The following FGF14 variants were observed in gnomAD, a reference collection of about 807,000 sequenced individuals.
The protein encoded by FGF14 is fibroblast growth factor homologous factor 4.
FGF14 carries 5 observed loss-of-function variants against 25.5 expected under a neutral mutation model. The observed-to-expected ratio is 0.20, with a 90% confidence interval of 0.10 to 0.41. The LOEUF is 0.41. Among genes scored for constraint, FGF14 ranks in the 10% least tolerant of loss-of-function variants. FGF14 has a pLI of 1.00. For missense variants in FGF14, 222 were observed against 320.1 expected (o/e 0.69, Z 2.34); for synonymous variants, 138 against 118.3 (o/e 1.17, Z -1.08).
At position 101,868,800 on chromosome 13, in the gene FGF14, T is replaced by G; in HGVS notation, c.333A>C (p.Leu111=). 1 of 1,613,540 alleles carries G rather than the reference T, an allele frequency of 6.2e-7. No individual in the cohort carries two copies. Among genetic ancestry groups the G allele is most frequent in the Non-Finnish European group, 8.5e-7 (1 of 1,179,506 alleles). The part of the protein sequence containing the change: ...STLFNLIPVG[L]RVVAIQGVKT... ...TCACTCCCTGGATGGCAACAACACG[T>G]AGTCCCACTGGTATGAGGTTGAAGA... The change falls in exon 3 of 5, where the codon CTA becomes CTC. Residue 111 remains leucine (L), a synonymous_variant. Transcript: ENST00000376143.
At chr13:102,136,074 A>G (rs770008299) in intron 1 of FGF14, among the ~76,000 whole-genome samples, 23 of 152,202 alleles carry the variant, frequency 1.5e-4, no homozygotes, top group Non-Finnish European at 2.2e-4. Flanking sequence ...GCAGTAATAT[A>G]TCATATTGTG....
intron 1 of FGF14, among the ~76,000 whole-genome samples, chr13:102,029,471 G>T (rs775081714): frequency 6.6e-6 from 1 of 152,002 alleles, no homozygotes; most frequent in African/African-American, 2.4e-5. Context: ...TTTGAAAAAT[G>T]AAACAACTTG....
At chr13:101,757,260 A>G (rs2037725908) in intron 3 of FGF14, among the ~76,000 whole-genome samples, 1 of 152,062 alleles carries the variant, frequency 6.6e-6, no homozygotes, top group African/African-American at 2.4e-5. Flanking sequence ...AAAGTCCTAT[A>G]GCCTTTTGTT....
At chr13:102,083,106 T>C (rs2043717048) in intron 1 of FGF14, among the ~76,000 whole-genome samples, 1 of 152,232 alleles carries the variant, frequency 6.6e-6, no homozygotes, top group South Asian at 2.1e-4. Context: ...TTCCTTGATA[T>C]CTTTCTATCT....
At chr13:102,158,371 G>A (rs577410329) in intron 1 of FGF14, among the ~76,000 whole-genome samples, 2 of 152,166 alleles carry the variant, frequency 1.3e-5, no homozygotes, top group South Asian at 4.2e-4. Context: ...TCCTTTGCAG[G>A]GACATGGATG....
intron 1 of FGF14, among the ~76,000 whole-genome samples, chr13:102,188,558 T>C (rs1418512375): frequency 6.6e-6 from 1 of 152,212 alleles, no homozygotes; most frequent in Non-Finnish European, 1.5e-5. Context: ...AAGCACAGTA[T>C]CTGGCAGAGG....
chr13:101,740,980 T>C (rs189796072), intron 3 of FGF14, among the ~76,000 whole-genome samples: 2 of 152,300 alleles, frequency 1.3e-5, no homozygotes, highest in Admixed American at 6.5e-5. Flanking sequence ...TTATGTTTTA[T>C]AAAAAAGTCC....
intron 1 of FGF14, among the ~76,000 whole-genome samples, chr13:102,166,938 ATTGGCTGT>A (rs2048038027): frequency 1.3e-5 from 2 of 152,118 alleles, no homozygotes; most frequent in Non-Finnish European, 2.9e-5. Flanking sequence ...AATATCAAGA[ATTGGCTGT>A]TTGGGGAAGA....
At chr13:101,840,326 A>G (rs2043137294) in intron 3 of FGF14, among the ~76,000 whole-genome samples, 1 of 151,958 alleles carries the variant, frequency 6.6e-6, no homozygotes, top group Non-Finnish European at 1.5e-5. Flanking sequence ...TACGTTATGA[A>G]AAACCAATCC....
chr13:102,330,542 C>A (rs1389242075), intron 1 of FGF14, among the ~76,000 whole-genome samples: 5 of 152,186 alleles, frequency 3.3e-5, no homozygotes, highest in African/African-American at 1.2e-4. Flanking sequence ...GGACACCTAA[C>A]TCCAAAACAC....
chr13:102,338,101 T>C (rs941958789), intron 1 of FGF14, among the ~76,000 whole-genome samples: 7 of 152,184 alleles, frequency 4.6e-5, no homozygotes, highest in African/African-American at 1.7e-4. Flanking sequence ...TTTTTCTTGT[T>C]GTTTTTTCAA....
intron 3 of FGF14, among the ~76,000 whole-genome samples, chr13:101,774,919 A>G (rs1197852943): frequency 6.7e-6 from 1 of 148,788 alleles, no homozygotes; most frequent in Non-Finnish European, 1.5e-5. Flanking sequence ...CAGTGAGCCG[A>G]GATTGTGCCA....
intron 1 of FGF14, among the ~76,000 whole-genome samples, chr13:102,381,879 C>A (rs920916489): frequency 2.0e-5 from 3 of 152,098 alleles, no homozygotes; most frequent in African/African-American, 7.2e-5. Context: ...TATGTCAATT[C>A]AAAATGAGAT....
chr13:101,921,380 C>G (rs531134428), upstream of FGF14, among the ~76,000 whole-genome samples: 3 of 152,242 alleles, frequency 2.0e-5, no homozygotes, highest in East Asian at 5.8e-4. Flanking sequence ...TGGCCATGAA[C>G]GAACTACTGT....
intron 1 of FGF14, among the ~76,000 whole-genome samples, chr13:102,225,966 A>G (rs1382902198): frequency 6.6e-6 from 1 of 152,198 alleles, no homozygotes; most frequent in Non-Finnish European, 1.5e-5. Flanking sequence ...TTGTGAAAGC[A>G]TCCTTGGAAG....
At chr13:101,736,317 T>C (rs556885201) in intron 3 of FGF14, among the ~76,000 whole-genome samples, 1 of 152,298 alleles carries the variant, frequency 6.6e-6, no homozygotes, top group East Asian at 1.9e-4. Context: ...ACATTCTTCA[T>C]AGAAGTATGA....
chr13:102,270,464 G>A (rs2053193391), intron 1 of FGF14, among the ~76,000 whole-genome samples: 1 of 152,046 alleles, frequency 6.6e-6, no homozygotes, highest in African/African-American at 2.4e-5. Flanking sequence ...TTTCATTACT[G>A]TAACACTTTG....
At chr13:102,080,909 C>A (rs1463537518) in intron 1 of FGF14, among the ~76,000 whole-genome samples, 1 of 152,144 alleles carries the variant, frequency 6.6e-6, no homozygotes, top group Non-Finnish European at 1.5e-5. Context: ...ACTAGACTAC[C>A]CAGGGGAAGC....
chr13:102,375,647 G>T (rs1372335868), intron 1 of FGF14, among the ~76,000 whole-genome samples: 3 of 152,178 alleles, frequency 2.0e-5, no homozygotes, highest in African/African-American at 7.2e-5. Context: ...TCCTATTTTA[G>T]GTTATATCTT....
Sources: gnomAD v4.1 joint callset for allele counts (sites outside exome capture counted in the v4.1 genomes callset) on GRCh38, gnomAD v4.1.1 for gene constraint, MANE v1.5 for transcripts, NCBI Gene and HGNC (gene_info 2026-07-23, HGNC 2026-07-21) for gene names.